The following BCAM variants were observed in gnomAD, a reference collection of about 807,000 sequenced individuals.
The protein encoded by BCAM is basal cell adhesion molecule (Lutheran blood group).
In BCAM, 61 loss-of-function variants were observed where a neutral mutation model predicts 72.4. The observed-to-expected ratio is 0.84, with a 90% CI of 0.69 to 1.04. The LOEUF is 1.04. BCAM is among the 50% of genes least tolerant of loss of function. The probability of loss-of-function intolerance (pLI) is 0.00; values close to 1 mark genes in which losing one functional copy is unlikely to be tolerated. For synonymous variants in BCAM, 408 were observed against 384.2 expected (o/e 1.06, Z -0.73); for missense variants, 909 against 895.0 (o/e 1.02, Z -0.20).
In BCAM at chr19:44,813,177, G is replaced by C; in HGVS notation, c.505-73G>C. 11 of 1,526,052 alleles carry C rather than the reference G, an allele frequency of 7.2e-6. No homozygotes were observed. The highest frequency in any genetic ancestry group is 8.1e-6 in the Non-Finnish European group (9 of 1,112,930). 94.5% of individuals were successfully genotyped at this position (1,526,052 alleles called of 1,614,324 possible). A position where few individuals can be genotyped will look rare whatever the true frequency, so the allele number is the denominator to read the frequency against. ...CCCGGCTCATGAGTCTGAGTGGGGA[G>C]AACTCCTGAGAGAGGAGCCCCGACT... On this transcript the variant is annotated intron_variant, in intron 4 of 14. Transcript: ENST00000270233. This position sits in a 1 kb window ranked among gnomAD's most constrained non-coding sequence, Gnocchi z 4.2.
Position 44,814,272 on chromosome 19 carries a change from C to A in BCAM, c.905C>A (p.Thr302Lys). 1 of 1,595,970 alleles carries A rather than the reference C, an allele frequency of 6.3e-7. No individual in the cohort carries two copies. The highest frequency in any genetic ancestry group is 1.3e-5 in the African/African-American group (1 of 74,280). Residue 302 changes from threonine to lysine, a missense_variant, in exon 7 of 15, where the codon ACG becomes AAG. Transcript: ENST00000270233. This position sits in a 1 kb window ranked among gnomAD's most constrained non-coding sequence, Gnocchi z 4.6. ...GACGGCAGCCCCAGCCCGGAGTATA[C>A]GCTTTTCCGCCTTCAGGTGACCCAC... is the stretch of plus-strand genomic sequence containing the variant. ...RGDGSPSPEY[T>K]LFRLQDEQEE...
rs372954776 is a variant in BCAM at position 44,812,420 on chromosome 19, G to T, written c.433+29G>T. ...AGTGTCCTCGGGCATCCCCCGAAGG[G>T]AGGCAGGCAGGGAGGGGCGCAGGGC... On this transcript the variant is annotated intron_variant, in intron 3 of 14. Transcript: ENST00000270233. This position sits in a 1 kb window ranked among gnomAD's most constrained non-coding sequence, Gnocchi z 5.3. 53 of 1,614,030 alleles carry T rather than the reference G, an allele frequency of 3.3e-5. No individual in the cohort carries two copies. The highest frequency in any genetic ancestry group is 2.2e-5 in the Non-Finnish European group (26 of 1,179,984).
Position 44,814,941 on chromosome 19 carries a change from C to T in BCAM, c.1078+181C>T, listed in dbSNP as rs1201397195. Among the ~76,000 whole-genome samples, 3 of 147,526 alleles carry T rather than the reference C, an allele frequency of 2.0e-5. No homozygotes were observed. Among genetic ancestry groups the T allele is most frequent in the Admixed American group, 6.8e-5 (1 of 14,736 alleles). ...TTTTTTTTTTTTCCCAGAGACAGGA[C>T]CTGGCTACGTTGCCCAGGCTGGTCT... On this transcript the variant is annotated intron_variant, in intron 8 of 14. Coordinates refer to ENST00000270233, the MANE Select transcript of BCAM (RefSeq NM_005581.5). This position sits in a 1 kb window ranked among gnomAD's most constrained non-coding sequence, Gnocchi z 4.6.
At chr19:44,819,249 C>G in intron 11 of BCAM, 57 bp downstream of exon 11, 1 of 1,611,014 alleles carries the variant, frequency 6.2e-7, no homozygotes, top group Non-Finnish European at 8.5e-7. Flanking sequence ...GTATCACACC[C>G]TCCTTTCCAC....
At chr19:44,819,985 A>T in intron 13 of BCAM, 1 of 1,278,808 alleles carries the variant, frequency 7.8e-7, no homozygotes, top group Non-Finnish European at 9.8e-7. Context: ...ACCCATCCCC[A>T]AGCCAAACTC....
intron 2 of BCAM, chr19:44,811,949 G>A: frequency 1.7e-6 from 1 of 593,200 alleles, no homozygotes; most frequent in Non-Finnish European, 2.9e-6. Flanking sequence ...AGAAGGGATG[G>A]GACCGGAATG....
At position 44,821,098 on chromosome 19, in the gene BCAM, G is replaced by T; in HGVS notation, c.*177G>T. On this transcript the variant is annotated 3_prime_UTR_variant, in exon 15 of 15. Coordinates refer to ENST00000270233, the MANE Select transcript of BCAM (RefSeq NM_005581.5). ...ACCCACAGTGGCTGCCTGCCTCCGG[G>T]AGGGAAGGAGAGGGAGGGTGGGTGG... The T allele has an allele frequency of 3.4e-6, 2 of 585,886 alleles. No homozygotes were observed. 36.3% of individuals were successfully genotyped at this position (585,886 alleles called of 1,614,324 possible).
chr19:44,820,804 C>G lies in BCAM; in HGVS notation c.1863C>G (p.Ser621Arg), dbSNP rs756331624. 6.6e-7 allele frequency: 1 copy of G among 1,509,628 alleles called. No homozygotes were observed. Among genetic ancestry groups the G allele is most frequent in the Non-Finnish European group, 8.9e-7 (1 of 1,126,052 alleles). 93.5% of individuals were successfully genotyped at this position (1,509,628 alleles called of 1,614,324 possible). Residue 621 changes from serine (S) to arginine (R), a missense_variant, in exon 14 of 15, where the codon AGC becomes AGG. Transcript: ENST00000270233. ...GGASGGARGG[S>R]GGFGDEC ...CCTCCGGAGGAGCCAGGGGTGGCAG[C>G]GGGGGCTTCGGAGACGAGGTGGGTG...
At position 44,821,075 on chromosome 19, in the gene BCAM, C is replaced by A. The variant is rs1046823991; in HGVS notation, c.*154C>A. The A allele has an allele frequency of 9.4e-7, 1 of 1,060,324 alleles. No individual in the cohort carries two copies. Among genetic ancestry groups the A allele is most frequent in the African/African-American group, 1.7e-5 (1 of 58,538 alleles). 65.7% of individuals were successfully genotyped at this position (1,060,324 alleles called of 1,614,324 possible). A position where few individuals can be genotyped will look rare whatever the true frequency, so the allele number is the denominator to read the frequency against. The stretch of plus-strand genomic sequence containing the variant: ...CTTCCTCTGCCGGCAAGGCAGGGAC[C>A]CACAGTGGCTGCCTGCCTCCGGGAG... On this transcript the variant is annotated 3_prime_UTR_variant, in exon 15 of 15. Coordinates refer to ENST00000270233, the MANE Select transcript of BCAM (RefSeq NM_005581.5).
chr19:44,814,404 C>A lies in BCAM; in HGVS notation c.921+116C>A, dbSNP rs1599885838. 15 of 1,470,558 alleles carry A rather than the reference C, an allele frequency of 1.0e-5. No homozygotes were observed. The East Asian group carries it at 3.5e-4, about 34-fold the overall frequency. The allele number at this position is 1,470,558 out of a possible 1,614,324, so 91.1% of individuals were successfully genotyped here. ...GGAGTCCCCATGGCTTAGGCAGCCA[C>A]CTGATCTGGTGGCCCACGAACTAAA... On this transcript the variant is annotated intron_variant, in intron 7 of 14. Coordinates refer to ENST00000270233, the MANE Select transcript of BCAM (RefSeq NM_005581.5). This position sits in a 1 kb window ranked among gnomAD's most constrained non-coding sequence, Gnocchi z 4.6.
At chr19:44,820,355 A>C in intron 13 of BCAM, 1 of 1,084,700 alleles carries the variant, frequency 9.2e-7, no homozygotes, top group Non-Finnish European at 1.1e-6. Context: ...CCTGACTCCA[A>C]ATCCAACCCC....
chr19:44,815,344 C>T (rs1468775937), intron 8 of BCAM, among the ~76,000 whole-genome samples: 1 of 152,178 alleles, frequency 6.6e-6, no homozygotes, highest in Non-Finnish European at 1.5e-5. Context: ...TGGGGAAAGG[C>T]TGTATTCTCC....
chr19:44,818,502 C>T lies in BCAM; in HGVS notation c.1079-20C>T, dbSNP rs78539981. On this transcript the variant is annotated intron_variant, in intron 8 of 14. Transcript: ENST00000270233. This position sits in a 1 kb window ranked among gnomAD's most constrained non-coding sequence, Gnocchi z 4.6. Reference sequence around the variant, plus strand: ...GTGGGTGGCGGTCTGGGACGAGTGACAGACTGTCCCCCACTGCAGATCTGG... The same window carrying T: ...GTGGGTGGCGGTCTGGGACGAGTGATAGACTGTCCCCCACTGCAGATCTGG... The T allele has an allele frequency of 9.8e-3, 15,760 of 1,607,788 alleles. 1,471 individuals are homozygous for T. In the East Asian group the frequency reaches 0.25, roughly 25 times the overall value.
In BCAM at chr19:44,813,810, C is replaced by T; in HGVS notation, c.784+190C>T. On this transcript the variant is annotated intron_variant, in intron 6 of 14. Coordinates refer to ENST00000270233, the MANE Select transcript of BCAM (RefSeq NM_005581.5). The surrounding 1 kb of genome is among the most constrained non-coding windows in gnomAD (Gnocchi z 4.2). ...GCACAAGCCCCATCCTGACCTCTGA[C>T]CTCCGACCTCCACTTAGCACCCTGG... 1.2e-6 allele frequency: 1 copy of T among 831,756 alleles called. No homozygotes were observed. The highest frequency in any genetic ancestry group is 1.8e-6 in the Non-Finnish European group (1 of 548,928). The allele number at this position is 831,756 out of a possible 1,614,324, so 51.5% of individuals were successfully genotyped here.
Position 44,820,806 on chromosome 19 carries a change from G to A in BCAM, c.1865G>A (p.Gly622Glu), listed in dbSNP as rs151175320. The A allele has an allele frequency of 1.3e-6, 2 of 1,512,658 alleles. No individual in the cohort carries two copies. Among genetic ancestry groups the A allele is most frequent in the African/African-American group, 1.4e-5 (1 of 72,008 alleles). The allele number at this position is 1,512,658 out of a possible 1,614,324, so 93.7% of individuals were successfully genotyped here. Residue 622 changes from glycine (G) to glutamate (E), a missense_variant, in exon 14 of 15, where the codon GGG (glycine) becomes GAG (glutamate). Transcript: ENST00000270233. ...TCCGGAGGAGCCAGGGGTGGCAGCG[G>A]GGGCTTCGGAGACGAGGTGGGTGAG... The part of the protein sequence containing the change: ...GASGGARGGS[G>E]GFGDEC
chr19:44,815,037 C>A (rs1968486424), intron 8 of BCAM, among the ~76,000 whole-genome samples: 1 of 151,596 alleles, frequency 6.6e-6, no homozygotes, highest in African/African-American at 2.4e-5. Context: ...GCCACCGCAT[C>A]TTGTCGAGAG....
rs1198375463 is a variant in BCAM at position 44,813,174 on chromosome 19, G to A, written c.505-76G>A. ...GAGCCCGGCTCATGAGTCTGAGTGG[G>A]GAGAACTCCTGAGAGAGGAGCCCCG... is the stretch of plus-strand genomic sequence containing the variant. On this transcript the variant is annotated intron_variant, in intron 4 of 14. Transcript: ENST00000270233. This position sits in a 1 kb window ranked among gnomAD's most constrained non-coding sequence, Gnocchi z 4.2. The A allele has an allele frequency of 1.3e-6, 2 of 1,513,782 alleles. No individual in the cohort carries two copies. The highest frequency in any genetic ancestry group is 1.8e-6 in the Non-Finnish European group (2 of 1,103,136). The allele number at this position is 1,513,782 out of a possible 1,614,324, so 93.8% of individuals were successfully genotyped here. A position where few individuals can be genotyped will look rare whatever the true frequency, so the allele number is the denominator to read the frequency against.
intron 1 of BCAM, among the ~76,000 whole-genome samples, chr19:44,810,187 T>C (rs1301527246): frequency 2.0e-5 from 3 of 151,892 alleles, no homozygotes; most frequent in African/African-American, 7.3e-5. Context: ...GGGAGGGTGG[T>C]GGTTTTTCTA....
At chr19:44,816,291 C>T (rs1046583413) in intron 8 of BCAM, among the ~76,000 whole-genome samples, 8 of 152,202 alleles carry the variant, frequency 5.3e-5, no homozygotes, top group African/African-American at 1.7e-4. Context: ...GCCTGGGCAA[C>T]AGAGTGAGAC....
Sources: allele counts gnomAD v4.1 joint callset (sites outside exome capture counted in the v4.1 genomes callset), GRCh38; gene constraint gnomAD v4.1.1; non-coding constraint Gnocchi (gnomAD v3.1); transcripts MANE v1.5; gene names NCBI Gene and HGNC (gene_info 2026-07-23, HGNC 2026-07-21).